Variants in PCDHGA3 observed in about 807,000 individuals in gnomAD.
PCDHGA3 encodes protocadherin gamma subfamily A, 3.
Under a neutral mutation model 58.5 loss-of-function variants are expected in PCDHGA3, and 40 were observed. That is an observed-to-expected ratio of 0.68 (90% CI 0.53 to 0.89). PCDHGA3 has a LOEUF of 0.89. Ranked by LOEUF, PCDHGA3 falls within the 40% of genes least tolerant of loss-of-function variation. PCDHGA3 has a pLI of 0.00. For synonymous variants in PCDHGA3, 530 were observed against 525.7 expected (o/e 1.01, Z -0.11); for missense variants, 1,223 against 1,195.9 (o/e 1.02, Z -0.33).
chr5:141,364,683 G>A (rs1344688036), intron 1 of PCDHGA3: 6 of 1,613,976 alleles, frequency 3.7e-6, no homozygotes, highest in Non-Finnish European at 5.1e-6. Flanking sequence ...AAAATTTATG[G>A]AGTAGAAGTA....
chr5:141,351,338 A>G, intron 1 of PCDHGA3: 1 of 1,613,576 alleles, frequency 6.2e-7, no homozygotes, highest in South Asian at 1.1e-5. Context: ...AGACCTTGGA[A>G]CTGTAATAGC....
chr5:141,428,061 G>A (rs755817800), intron 1 of PCDHGA3: 1 of 1,609,154 alleles, frequency 6.2e-7, no homozygotes, highest in South Asian at 1.1e-5. Flanking sequence ...GGTGGCGGTG[G>A]ACGCAGATTC....
chr5:141,405,037 G>C (rs756524085), intron 1 of PCDHGA3: 5 of 1,613,856 alleles, frequency 3.1e-6, no homozygotes, highest in Non-Finnish European at 4.2e-6. Flanking sequence ...ACCTCGTTGT[G>C]GCTGTGGCAG....
At chr5:141,403,425 T>C in intron 1 of PCDHGA3, 1 of 1,614,040 alleles carries the variant, frequency 6.2e-7, no homozygotes, top group South Asian at 1.1e-5. Context: ...CCAGAAGCTA[T>C]TGATCCGGAT....
intron 1 of PCDHGA3, chr5:141,375,591 C>T (rs1177848611): frequency 6.2e-7 from 1 of 1,614,194 alleles, no homozygotes; most frequent in East Asian, 2.2e-5. Flanking sequence ...CCCCTGTCCT[C>T]CTACGTGTCC....
At chr5:141,404,232 G>GTCCAC (rs2094500642) in intron 1 of PCDHGA3, 1 of 1,613,696 alleles carries the variant, frequency 6.2e-7, no homozygotes, top group African/African-American at 1.3e-5. Flanking sequence ...GCAACAGACA[G>GTCCAC]AGGAACTCCG....
At chr5:141,355,605 A>G in intron 1 of PCDHGA3, 2 of 1,614,024 alleles carry the variant, frequency 1.2e-6, no homozygotes, top group Non-Finnish European at 1.7e-6. Context: ...GTTTTGGGAC[A>G]GAACAGAGGG....
In PCDHGA3 at chr5:141,486,329, A is replaced by C. The variant is rs1045072240; in HGVS notation, c.2425-8478A>C. 1.2e-6 allele frequency: 2 copies of C among 1,613,882 alleles called. No individual in the cohort carries two copies. Among genetic ancestry groups the C allele is most frequent in the African/African-American group, 2.7e-5 (2 of 74,866 alleles). ...AGACTCAGGGTCAAACGGAGATGTG[A>C]GCCTCCGCATTCCTGACCACTTGCC... On this transcript the variant is annotated intron_variant, in intron 1 of 3. Transcript: ENST00000253812. The surrounding 1 kb of genome is among the most constrained non-coding windows in gnomAD (Gnocchi z 5.0).
chr5:141,491,549 A>T lies in PCDHGA3; in HGVS notation c.2425-3258A>T, dbSNP rs748281587. 18 of 1,613,860 alleles carry T rather than the reference A, an allele frequency of 1.1e-5. No homozygotes were observed. In the East Asian group the frequency reaches 3.8e-4, roughly 34 times the overall value. On this transcript the variant is annotated intron_variant, in intron 1 of 3. Coordinates refer to ENST00000253812, the MANE Select transcript of PCDHGA3 (RefSeq NM_018916.4). This position sits in a 1 kb window ranked among gnomAD's most constrained non-coding sequence, Gnocchi z 6.9. Reference sequence around the variant, plus strand: ...GTGACGCTGCGGCCCACAGACTCGCAGAGCCACTGCTACAGGACGTGCTTT... The same window carrying T: ...GTGACGCTGCGGCCCACAGACTCGCTGAGCCACTGCTACAGGACGTGCTTT...
chr5:141,478,026 C>T (rs1192406949), intron 1 of PCDHGA3: 2 of 1,614,062 alleles, frequency 1.2e-6, no homozygotes, highest in East Asian at 2.2e-5. Flanking sequence ...GTCCAAGACA[C>T]AGATTCACCC....
intron 1 of PCDHGA3, chr5:141,440,723 T>C (rs2098196558): frequency 6.6e-6 from 1 of 152,178 alleles, no homozygotes; most frequent in Non-Finnish European, 1.5e-5. Flanking sequence ...GTTGATCCTG[T>C]GTTAGAGAAG....
At chr5:141,415,366 G>T in intron 1 of PCDHGA3, 1 of 1,614,252 alleles carries the variant, frequency 6.2e-7, no homozygotes, top group South Asian at 1.1e-5. Flanking sequence ...CCTGCTGCAG[G>T]CTTCAGGAGG....
At chr5:141,410,037 G>T (rs760397726) in intron 1 of PCDHGA3, 2 of 1,613,250 alleles carry the variant, frequency 1.2e-6, no homozygotes, top group South Asian at 2.2e-5. Flanking sequence ...CTGCAGGCCA[G>T]TGAGCCCGGA....
At chr5:141,362,559 G>C (rs764539634) in intron 1 of PCDHGA3, 1 of 1,611,324 alleles carries the variant, frequency 6.2e-7, no homozygotes, top group South Asian at 1.1e-5. Context: ...TTTTGAAGGT[G>C]AGCTTTAATT....
rs759706919 is a variant in PCDHGA3 at position 141,374,098 on chromosome 5, G to C, written c.2424+27641G>C. 20 of 1,561,062 alleles carry C rather than the reference G, an allele frequency of 1.3e-5. No homozygotes were observed. The South Asian group carries it at 2.1e-4, about 17-fold the overall frequency. ...ATAAGCCAGTAATGGCGCCTCCGCA[G>C]AGGCATCCGCAGCGCAGCGAGCAGG... On this transcript the variant is annotated intron_variant, in intron 1 of 3. Transcript: ENST00000253812.
chr5:141,425,528 C>T (rs2096881702), intron 1 of PCDHGA3, among the ~76,000 whole-genome samples: 1 of 152,200 alleles, frequency 6.6e-6, no homozygotes, highest in African/African-American at 2.4e-5. Context: ...AAACATGAAA[C>T]AATAATCCTT....
intron 1 of PCDHGA3, chr5:141,383,409 C>T (rs199780721): frequency 1.2e-6 from 2 of 1,614,010 alleles, no homozygotes; most frequent in Non-Finnish European, 1.7e-6. Flanking sequence ...TCCAGAGTTA[C>T]CAGCTCAGCC....
chr5:141,347,843 A>G (rs544582847), intron 1 of PCDHGA3, among the ~76,000 whole-genome samples: 1 of 152,124 alleles, frequency 6.6e-6, no homozygotes, highest in South Asian at 2.1e-4. Flanking sequence ...TGCCTGTTAC[A>G]TATGCCTAAT....
chr5:141,351,589 C>T (rs1366069442), intron 1 of PCDHGA3: 2 of 1,614,082 alleles, frequency 1.2e-6, no homozygotes, highest in Admixed American at 1.7e-5. Flanking sequence ...ACATCAACGA[C>T]AATGCACCTG....
Sources: allele counts gnomAD v4.1 joint callset (sites outside exome capture counted in the v4.1 genomes callset), GRCh38; gene constraint gnomAD v4.1.1; non-coding constraint Gnocchi (gnomAD v3.1); transcripts MANE v1.5; gene names NCBI Gene and HGNC (gene_info 2026-07-23, HGNC 2026-07-21).